ZNF385D: variants seen among roughly 807,000 people sequenced by gnomAD.
The protein encoded by ZNF385D is zinc finger protein 385D.
In ZNF385D, 15 loss-of-function variants were observed where a neutral mutation model predicts 35.8. The observed-to-expected ratio is 0.42, with a 90% CI of 0.28 to 0.64. The LOEUF is 0.64. Ranked by LOEUF, ZNF385D falls within the 30% of genes least tolerant of loss-of-function variation. ZNF385D has a pLI of 0.23. For synonymous variants in ZNF385D, 212 were observed against 186.8 expected, an observed-to-expected ratio of 1.13 and a Z score of -1.10; for missense variants, 474 against 494.6, an observed-to-expected ratio of 0.96 and a Z score of 0.39.
At chr3:21,482,699 A>C (rs1205855017) in intron 4 of ZNF385D, among the ~76,000 whole-genome samples, 1 of 152,172 alleles carries the variant, frequency 6.6e-6, no homozygotes, top group Non-Finnish European at 1.5e-5. Flanking sequence ...CAACCAACTC[A>C]AATGTAAGGC....
intron 3 of ZNF385D, among the ~76,000 whole-genome samples, chr3:22,093,149 A>T (rs913395008): frequency 5.3e-5 from 8 of 152,116 alleles, no homozygotes; most frequent in Non-Finnish European, 1.0e-4. Context: ...AAAGAGTTAG[A>T]AAAACACCCT....
chr3:22,279,032 A>T lies in ZNF385D; in HGVS notation c.106+93418T>A, dbSNP rs531980580. On this transcript the variant is annotated intron_variant, in intron 2 of 5. Transcript: ENST00000494108. ...ACATTCTATGGCGTCCACTTCCTAC[A>T]CAGAAATGTTACACATCCTGTCATA... 2.6e-5 allele frequency among the ~76,000 whole-genome samples: 4 copies of T among 152,208 alleles called. No homozygotes were observed. The South Asian group carries it at 8.3e-4, about 32-fold the overall frequency.
intron 3 of ZNF385D, among the ~76,000 whole-genome samples, chr3:21,798,745 C>T (rs2072266225): frequency 6.6e-6 from 1 of 152,118 alleles, no homozygotes; most frequent in African/African-American, 2.4e-5. Flanking sequence ...ATAAACCATG[C>T]ACATCAGAGA....
chr3:22,042,100 G>C (rs1016958138), intron 3 of ZNF385D, among the ~76,000 whole-genome samples: 5 of 152,084 alleles, frequency 3.3e-5, no homozygotes, highest in African/African-American at 1.2e-4. Flanking sequence ...ATCAGATTGG[G>C]TCAAACATGG....
At chr3:21,684,534 G>A (rs73042114) in intron 1 of ZNF385D, among the ~76,000 whole-genome samples, 1 of 149,844 alleles carries the variant, frequency 6.7e-6, no homozygotes, top group Non-Finnish European at 1.5e-5. Context: ...TCTTTAATAA[G>A]CCCAAATTCA....
chr3:21,835,361 T>A (rs1695267589), intron 3 of ZNF385D, among the ~76,000 whole-genome samples: 1 of 151,916 alleles, frequency 6.6e-6, no homozygotes, highest in African/African-American at 2.4e-5. Flanking sequence ...ATTGTAAAAT[T>A]TGCTTAGGAT....
At chr3:21,457,934 C>T (rs1307541378) in intron 4 of ZNF385D, among the ~76,000 whole-genome samples, 2 of 152,108 alleles carry the variant, frequency 1.3e-5, no homozygotes, top group African/African-American at 4.8e-5. Context: ...TATATCAAGG[C>T]ATTATTGTCA....
rs1011801071 is a variant in ZNF385D at position 21,741,882 on chromosome 3, C to T, written c.22+9013G>A. Among the ~76,000 whole-genome samples, 4 of 152,208 alleles carry T rather than the reference C, an allele frequency of 2.6e-5. No homozygotes were observed. The South Asian group carries it at 6.2e-4, about 24-fold the overall frequency. ...TTCCTGCCTCTAAGTCTGAACTCTC[C>T]CATTGGTATAGAAAAATGACAAAGA... On this transcript the variant is annotated intron_variant, in intron 1 of 7. Coordinates refer to ENST00000281523, the MANE Select transcript of ZNF385D (RefSeq NM_024697.3).
intron 3 of ZNF385D, among the ~76,000 whole-genome samples, chr3:21,759,538 G>A (rs560352297): frequency 3.9e-4 from 59 of 152,250 alleles, no homozygotes; most frequent in Admixed American, 7.2e-4. Flanking sequence ...TCCAAGGACA[G>A]AAATATAATA....
In ZNF385D at chr3:22,341,063, A is replaced by T. The variant is rs939258706; in HGVS notation, c.106+31387T>A. Among the ~76,000 whole-genome samples the T allele has an allele frequency of 8.5e-5, 13 of 152,234 alleles. 1 individual carries two copies. Among genetic ancestry groups the T allele is most frequent in the African/African-American group, 2.9e-4 (12 of 41,452 alleles). ...CAAAACAGAGTTATGATGGCTAGGG[A>T]CTTAGACAAAGAATCAAGAAAACCT... On this transcript the variant is annotated intron_variant, in intron 2 of 5. Coordinates refer to the ZNF385D transcript ENST00000494108.
intron 3 of ZNF385D, among the ~76,000 whole-genome samples, chr3:21,872,048 T>A (rs556433136): frequency 1.1e-3 from 164 of 152,234 alleles, no homozygotes; most frequent in Non-Finnish European, 2.1e-3. Context: ...AAAAAAAGAT[T>A]TTCTTGTTTA....
At chr3:22,067,844 A>C (rs1418441465) in intron 3 of ZNF385D, among the ~76,000 whole-genome samples, 1 of 152,166 alleles carries the variant, frequency 6.6e-6, no homozygotes, top group African/African-American at 2.4e-5. Flanking sequence ...CAACATGGTG[A>C]AACCCTGTCT....
In ZNF385D at chr3:21,494,031, C is replaced by G. The variant is rs375664152; in HGVS notation, c.439+16830G>C. ...TTATTCCAGAGAATTCTGTCATCGT[C>G]TAGATAGCATTACAAGAGCAAGCAT... is the stretch of plus-strand genomic sequence containing the variant. On this transcript the variant is annotated intron_variant, in intron 4 of 7. Coordinates refer to ENST00000281523, the MANE Select transcript of ZNF385D (RefSeq NM_024697.3). 1.7e-4 allele frequency among the ~76,000 whole-genome samples: 26 copies of G among 151,830 alleles called. No individual in the cohort carries two copies. The East Asian group carries it at 1.9e-3, about 11-fold the overall frequency.
Position 21,764,703 on chromosome 3 carries a change from T to C in ZNF385D, c.326-99675A>G, listed in dbSNP as rs545141915. On this transcript the variant is annotated intron_variant, in intron 3 of 5. Coordinates refer to the ZNF385D transcript ENST00000494108. ...AACTAAACAGTTGAGTGTTTGACAA[T>C]TGACCCAGTTTAGCCCTCAAATGAT... 1.2e-4 allele frequency among the ~76,000 whole-genome samples: 19 copies of C among 152,270 alleles called. No homozygotes were observed. In the South Asian group the frequency reaches 2.5e-3, roughly 20 times the overall value.
Position 22,035,923 on chromosome 3 carries a change from C to T in ZNF385D, c.325+132894G>A, listed in dbSNP as rs144856804. On this transcript the variant is annotated intron_variant, in intron 3 of 5. Transcript: ENST00000494108. ...TAAATGATTAGGGACACAGGTGGTA[C>T]TTTCACAGTTTTTTTTTCCAAGATA... Among the ~76,000 whole-genome samples, 998 of 146,200 alleles carry T rather than the reference C, an allele frequency of 6.8e-3. 13 individuals carry two copies. Among genetic ancestry groups the T allele is most frequent in the Middle Eastern group, 0.025 (7 of 278 alleles).
At chr3:21,731,435 G>A (rs2068990287) in intron 1 of ZNF385D, among the ~76,000 whole-genome samples, 1 of 152,132 alleles carries the variant, frequency 6.6e-6, no homozygotes. Flanking sequence ...CTCATAGCCT[G>A]TCCCGTTACC....
intron 2 of ZNF385D, among the ~76,000 whole-genome samples, chr3:21,573,319 A>G (rs1188428241): frequency 2.0e-5 from 3 of 152,194 alleles, no homozygotes; most frequent in Non-Finnish European, 4.4e-5. Context: ...TAAAAATACA[A>G]AATGTACTGG....
chr3:22,196,542 G>C (rs976502724), intron 2 of ZNF385D, among the ~76,000 whole-genome samples: 3 of 151,254 alleles, frequency 2.0e-5, no homozygotes, highest in Non-Finnish European at 3.0e-5. Context: ...CTGTTATCTT[G>C]TTGATAATAT....
chr3:22,116,859 T>C (rs1702837241), intron 3 of ZNF385D, among the ~76,000 whole-genome samples: 1 of 152,088 alleles, frequency 6.6e-6, no homozygotes, highest in Admixed American at 6.6e-5. Flanking sequence ...AAATTGTCTG[T>C]AACACTAAAA....
Sources: allele counts gnomAD v4.1 joint callset (sites outside exome capture counted in the v4.1 genomes callset), GRCh38; gene constraint gnomAD v4.1.1; transcripts MANE v1.5; gene names NCBI Gene and HGNC (gene_info 2026-07-23, HGNC 2026-07-21).